The following UGT1A8 variants were observed in gnomAD, a reference collection of about 807,000 sequenced individuals.
UGT1A8 encodes UDP glucuronosyltransferase family 1 member A8, also known as UDP-glucuronosyltransferase 1A8.
In UGT1A8, 39 loss-of-function variants were observed where a neutral mutation model predicts 45.3. The observed-to-expected ratio is 0.86, with a 90% CI of 0.67 to 1.12. The LOEUF (loss-of-function observed/expected upper bound fraction) is 1.12, where lower values mean the gene tolerates loss of function less well. Ranked by LOEUF, UGT1A8 falls within the 50% of genes most tolerant of loss-of-function variation. The pLI is 0.00. For synonymous variants in UGT1A8, 275 were observed against 249.2 expected (o/e 1.10, Z -0.97); for missense variants, 719 against 664.9 (o/e 1.08, Z -0.90).
At chr2:233,657,177 G>A (rs1399801042) in intron 1 of UGT1A8, among the ~76,000 whole-genome samples, 1 of 152,096 alleles carries the variant, frequency 6.6e-6, no homozygotes, top group Non-Finnish European at 1.5e-5. Context: ...AGCTATCAAG[G>A]TCCCCCATCA....
rs1040596623 is a variant in UGT1A8, at chr2:233,743,965, G to C, written c.856-23069G>C. ...CAGGCACTGGCACAGCGAGCGGCAA[G>C]GCTGCCAGCACCCAGGCGCAGGCCC... On this transcript the variant is annotated intron_variant, in intron 1 of 4. Transcript: ENST00000373450. 3 of 1,330,116 alleles carry C rather than the reference G, an allele frequency of 2.3e-6. No homozygotes were observed. The African/African-American group carries it at 4.5e-5, about 20-fold the overall frequency. 82.4% of individuals were successfully genotyped at this position (1,330,116 alleles called of 1,614,324 possible). A position where few individuals can be genotyped will look rare whatever the true frequency, so the allele number is the denominator to read the frequency against.
At chr2:233,661,138 C>T (rs1417256004) in intron 1 of UGT1A8, among the ~76,000 whole-genome samples, 1 of 151,458 alleles carries the variant, frequency 6.6e-6, no homozygotes, top group Non-Finnish European at 1.5e-5. Flanking sequence ...GACAAATTAT[C>T]TATGGATGTA....
chr2:233,636,714 G>A, intron 1 of UGT1A8: 2 of 1,614,154 alleles, frequency 1.2e-6, no homozygotes, highest in South Asian at 1.1e-5. Flanking sequence ...AGGTGAGTTG[G>A]CAACTGGAAA....
At chr2:233,697,927 G>A (rs900659562) in intron 1 of UGT1A8, among the ~76,000 whole-genome samples, 1 of 152,072 alleles carries the variant, frequency 6.6e-6, no homozygotes. Context: ...GAAGTCTAGG[G>A]TATTGGAAAA....
At chr2:233,682,674 G>A (rs1344707831) in intron 1 of UGT1A8, 1 of 1,613,690 alleles carries the variant, frequency 6.2e-7, no homozygotes, top group African/African-American at 1.3e-5. Flanking sequence ...GATCTCTACA[G>A]CCACACATCA....
At chr2:233,761,243 G>A (rs1268898166) in intron 1 of UGT1A8, 4 of 1,611,300 alleles carry the variant, frequency 2.5e-6, no homozygotes, top group Non-Finnish European at 3.4e-6. Flanking sequence ...TGCTGAGCAA[G>A]CATTCTGAGA....
intron 1 of UGT1A8, chr2:233,690,776 T>TAC (rs34459843): frequency 0.012 from 13,190 of 1,061,660 alleles, 127 homozygotes; most frequent in African/African-American, 0.074. Context: ...CACACACACA[T>TAC]ACACACACAC....
intron 1 of UGT1A8, among the ~76,000 whole-genome samples, chr2:233,675,652 A>C (rs1029481047): frequency 6.6e-6 from 1 of 152,222 alleles, no homozygotes; most frequent in African/African-American, 2.4e-5. Flanking sequence ...GTTTTCAAAC[A>C]TACACAATGG....
chr2:233,760,703 C>T, intron 1 of UGT1A8: 1 of 1,614,236 alleles, frequency 6.2e-7, no homozygotes. Flanking sequence ...CTCATGGCCT[C>T]CCTGGCAGAA....
intron 1 of UGT1A8, among the ~76,000 whole-genome samples, chr2:233,630,106 CT>C (rs939833834): frequency 1.8e-4 from 28 of 152,026 alleles, no homozygotes; most frequent in African/African-American, 6.0e-4. Context: ...AACAAACCAG[CT>C]TTGGTTTCAT....
chr2:233,624,118 A>G (rs952733533), intron 1 of UGT1A8, among the ~76,000 whole-genome samples: 5 of 152,166 alleles, frequency 3.3e-5, no homozygotes, highest in African/African-American at 1.2e-4. Flanking sequence ...ATCACAACTC[A>G]TTCACCAATA....
chr2:233,769,603 GA>G lies in UGT1A8; in HGVS notation c.1295+1165del. 1 of 1,612,818 alleles carries G rather than the reference GA, an allele frequency of 6.2e-7. No individual in the cohort carries two copies. The highest frequency in any genetic ancestry group is 1.1e-5 in the South Asian group (1 of 91,040). On this transcript the variant is annotated intron_variant, in intron 4 of 4. Transcript: ENST00000373450. This position sits in a 1 kb window ranked among gnomAD's most constrained non-coding sequence, Gnocchi z 4.4. ...CAGATGAGAGGAGACGGAACACGGG[GA>G]CACACCAGCTTGAGCAAGGGACAAC...
At chr2:233,649,141 T>C in intron 1 of UGT1A8, 1 of 640,358 alleles carries the variant, frequency 1.6e-6, no homozygotes, top group Non-Finnish European at 2.2e-6. Context: ...ATTTCTTTTC[T>C]GTGTAAAAAA....
At chr2:233,675,954 C>T (rs1396654712) in intron 1 of UGT1A8, among the ~76,000 whole-genome samples, 4 of 152,052 alleles carry the variant, frequency 2.6e-5, no homozygotes, top group African/African-American at 9.7e-5. Flanking sequence ...AAAATTTCCC[C>T]GGATTGTCTC....
At chr2:233,644,691 C>T (rs1272150325) in intron 1 of UGT1A8, among the ~76,000 whole-genome samples, 1 of 152,196 alleles carries the variant, frequency 6.6e-6, no homozygotes, top group East Asian at 1.9e-4. Flanking sequence ...CCAATTGTCT[C>T]CCACCAGGGC....
At chr2:233,672,772 G>A (rs369594976) in intron 1 of UGT1A8, 47 of 1,613,404 alleles carry the variant, frequency 2.9e-5, no homozygotes, top group Non-Finnish European at 3.9e-5. Context: ...CTGCCATCAG[G>A]GAAAGCCGTT....
At chr2:233,677,862 A>G (rs773721257) in intron 1 of UGT1A8, among the ~76,000 whole-genome samples, 1 of 152,184 alleles carries the variant, frequency 6.6e-6, no homozygotes, top group Non-Finnish European at 1.5e-5. Flanking sequence ...CAAGAAACAC[A>G]TGCACTGGTA....
At chr2:233,631,668 C>T (rs774780750) in intron 1 of UGT1A8, among the ~76,000 whole-genome samples, 9 of 151,888 alleles carry the variant, frequency 5.9e-5, no homozygotes, top group Non-Finnish European at 8.8e-5. Flanking sequence ...ATCCTTCGAC[C>T]GCTTTTTGAT....
intron 1 of UGT1A8, among the ~76,000 whole-genome samples, chr2:233,665,350 C>T (rs1317770119): frequency 6.6e-6 from 1 of 152,206 alleles, no homozygotes; most frequent in African/African-American, 2.4e-5. Flanking sequence ...ACTTTCTTTA[C>T]ATTACTATAT....
Sources: gnomAD v4.1 joint callset for allele counts (sites outside exome capture counted in the v4.1 genomes callset) on GRCh38, gnomAD v4.1.1 for gene constraint, Gnocchi (gnomAD v3.1) non-coding constraint, MANE v1.5 for transcripts, NCBI Gene and HGNC (gene_info 2026-07-23, HGNC 2026-07-21) for gene names.